Variants in KCTD1 observed in about 807,000 individuals in gnomAD.
KCTD1 encodes the protein BTB/POZ domain-containing protein KCTD1.
A neutral mutation model predicts 66.0 loss-of-function variants in KCTD1; 24 were observed. That is an observed-to-expected ratio of 0.36 (90% CI 0.26 to 0.51). The LOEUF (loss-of-function observed/expected upper bound fraction) is 0.51, where lower values mean the gene tolerates loss of function less well. KCTD1 is among the 20% of genes least tolerant of loss of function. The pLI is 0.95. For synonymous variants in KCTD1, 511 were observed against 517.2 expected (o/e 0.99, Z 0.16); for missense variants, 943 against 1,205.2 (o/e 0.78, Z 3.22).
chr18:26,490,897 T>G (rs1567965947), intron 2 of KCTD1, among the ~76,000 whole-genome samples: 1 of 151,780 alleles, frequency 6.6e-6, no homozygotes, highest in Non-Finnish European at 1.5e-5. Context: ...GGACTACAGG[T>G]GCATGCTACC....
At chr18:26,475,327 T>G (rs566161720) in intron 3 of KCTD1, among the ~76,000 whole-genome samples, 1 of 152,226 alleles carries the variant, frequency 6.6e-6, no homozygotes, top group Non-Finnish European at 1.5e-5. Flanking sequence ...TTGCACTGAC[T>G]ATATAGAATA....
At chr18:26,519,641 A>G (rs1358937797) in intron 1 of KCTD1, among the ~76,000 whole-genome samples, 2 of 152,230 alleles carry the variant, frequency 1.3e-5, no homozygotes, top group African/African-American at 4.8e-5. Flanking sequence ...ATCTGCCAAT[A>G]ACATACTTGA....
chr18:26,474,671 A>G (rs1171279898), intron 3 of KCTD1, among the ~76,000 whole-genome samples: 1 of 152,154 alleles, frequency 6.6e-6, no homozygotes, highest in Non-Finnish European at 1.5e-5. Flanking sequence ...TAGATTTTTA[A>G]GATAGATCTT....
At chr18:26,612,797 A>C (rs905753745) in intron 1 of KCTD1, among the ~76,000 whole-genome samples, 1 of 152,248 alleles carries the variant, frequency 6.6e-6, no homozygotes, top group Non-Finnish European at 1.5e-5. Context: ...GGCAGTGAGC[A>C]GGAGCAAGCA....
At chr18:26,461,681 A>G (rs73397601) in intron 3 of KCTD1, among the ~76,000 whole-genome samples, 63 of 152,228 alleles carry the variant, frequency 4.1e-4, no homozygotes, top group Non-Finnish European at 7.3e-4. Flanking sequence ...TACTGACCTA[A>G]ACACTTATTT....
At chr18:26,651,176 G>A (rs1290202583) in intron 1 of KCTD1, among the ~76,000 whole-genome samples, 2 of 152,198 alleles carry the variant, frequency 1.3e-5, no homozygotes, top group African/African-American at 2.4e-5. Flanking sequence ...CAGAGGTGGG[G>A]GCGAAGAGAG....
rs199912985 is a variant in KCTD1, at chr18:26,504,705, T to TG, written c.1810-3456dup. 1.8e-3 allele frequency among the ~76,000 whole-genome samples: 264 copies of TG among 145,858 alleles called. 7 individuals carry two copies. The East Asian group carries it at 0.043, about 24-fold the overall frequency. ...ACTTTTAAAATCCTTAGGCTGGGGT[T>TG]GGGGGGGCGATATTTGGGGCTGAGA... On this transcript the variant is annotated intron_variant, in intron 1 of 4. Coordinates refer to ENST00000580059, the MANE Select transcript of KCTD1 (RefSeq NM_001142730.3).
At chr18:26,609,081 G>T (rs908266840) in intron 1 of KCTD1, among the ~76,000 whole-genome samples, 1 of 151,892 alleles carries the variant, frequency 6.6e-6, no homozygotes, top group Non-Finnish European at 1.5e-5. Context: ...TAACTCTTGT[G>T]TCCTGGATTT....
intron 1 of KCTD1, among the ~76,000 whole-genome samples, chr18:26,625,912 T>G (rs910198752): frequency 6.6e-6 from 1 of 152,184 alleles, no homozygotes; most frequent in African/African-American, 2.4e-5. Flanking sequence ...ACTGTTGCCT[T>G]GGAGAGAGCA....
chr18:26,496,767 C>CAT (rs68080120), intron 2 of KCTD1, among the ~76,000 whole-genome samples: 37 of 151,832 alleles, frequency 2.4e-4, no homozygotes, highest in African/African-American at 6.3e-4. Flanking sequence ...CACACACACA[C>CAT]GCATTGGAAC....
At chr18:26,635,884 T>C (rs539148412) in intron 1 of KCTD1, among the ~76,000 whole-genome samples, 94 of 152,218 alleles carry the variant, frequency 6.2e-4, no homozygotes, top group Non-Finnish European at 4.9e-4. Context: ...TCTTTTATCA[T>C]GAAGCCCCCC....
rs185922667 is a variant in KCTD1, at chr18:26,487,660, A to G, written c.1989-11001T>C. On this transcript the variant is annotated intron_variant, in intron 2 of 4. Coordinates refer to ENST00000580059, the MANE Select transcript of KCTD1 (RefSeq NM_001142730.3). The stretch of plus-strand genomic sequence containing the variant: ...CTGACAGCATTCTGCCCTTGGGTGC[A>G]CTGTGGCCAACAATGCACGGTCTGT... 3.6e-3 allele frequency among the ~76,000 whole-genome samples: 542 copies of G among 152,362 alleles called. 4 individuals are homozygous for G. The highest frequency in any genetic ancestry group is 0.012 in the African/African-American group (508 of 41,580).
At position 26,548,431 on chromosome 18, in the gene KCTD1, GCTCGCC is replaced by G; in HGVS notation, c.100_105del (p.Gly34_Glu35del). 7.1e-7 allele frequency: 1 copy of G among 1,415,468 alleles called. No homozygotes were observed. The highest frequency in any genetic ancestry group is 9.2e-7 in the Non-Finnish European group (1 of 1,083,028). The allele number at this position is 1,415,468 out of a possible 1,614,324, so 87.7% of individuals were successfully genotyped here. ...CGGCGGCCGCGGCCCCCCGCGCCGC[GCTCGCC>G]CTCGCCCCGCTCCCCATTGTTCTCG... is the stretch of plus-strand genomic sequence containing the variant. On this transcript the variant is annotated inframe_deletion, in exon 1 of 5. Transcript: ENST00000580059.
At chr18:26,535,116 GGGGT>G (rs796781704) in intron 1 of KCTD1, among the ~76,000 whole-genome samples, 2 of 138,588 alleles carry the variant, frequency 1.4e-5, no homozygotes, top group African/African-American at 2.7e-5. Context: ...TTGGGGGGTG[GGGGT>G]GGAGCTGCCA....
intron 1 of KCTD1, among the ~76,000 whole-genome samples, chr18:26,592,430 C>T (rs1986629663): frequency 6.6e-6 from 1 of 152,210 alleles, no homozygotes; most frequent in African/African-American, 2.4e-5. Flanking sequence ...TCCATGGCTA[C>T]CATCACCAAG....
intron 3 of KCTD1, among the ~76,000 whole-genome samples, chr18:26,466,414 C>T (rs1284209482): frequency 6.6e-6 from 1 of 152,174 alleles, no homozygotes; most frequent in African/African-American, 2.4e-5. Flanking sequence ...GTCAATACTC[C>T]CTTTAACTTT....
upstream of KCTD1, among the ~76,000 whole-genome samples, chr18:26,553,387 TTTGTC>T (rs761505712): frequency 1.3e-5 from 2 of 152,190 alleles, no homozygotes; most frequent in Non-Finnish European, 2.9e-5. Flanking sequence ...GAGCAGAAAC[TTTGTC>T]TTATTTATTT....
At chr18:26,656,724 C>G (rs1427606189) in intron 1 of KCTD1, among the ~76,000 whole-genome samples, 9 of 151,370 alleles carry the variant, frequency 5.9e-5, no homozygotes, top group African/African-American at 2.2e-4. Context: ...CGGCGGGGCC[C>G]CTACCCCCGG....
chr18:26,622,782 G>T (rs920949066), intron 1 of KCTD1, among the ~76,000 whole-genome samples: 2 of 152,130 alleles, frequency 1.3e-5, no homozygotes, highest in Admixed American at 6.5e-5. Flanking sequence ...TGGCGGAAGT[G>T]CATACAGAGG....
Sources: allele counts gnomAD v4.1 joint callset (sites outside exome capture counted in the v4.1 genomes callset), GRCh38; gene constraint gnomAD v4.1.1; transcripts MANE v1.5; gene names NCBI Gene and HGNC (gene_info 2026-07-23, HGNC 2026-07-21).